Variants in KRT3 observed in about 807,000 individuals in gnomAD.
KRT3 encodes the protein keratin, type II cytoskeletal 3.
Under a neutral mutation model 45.8 loss-of-function variants are expected in KRT3, and 34 were observed. The observed-to-expected ratio is 0.74, with a 90% CI of 0.57 to 0.99. The LOEUF (loss-of-function observed/expected upper bound fraction) is 0.99. Ranked by LOEUF, KRT3 falls within the 50% of genes least tolerant of loss-of-function variation. The pLI, the probability that KRT3 is intolerant of heterozygous loss-of-function variation, is 0.00. For missense variants in KRT3, 828 were observed against 820.6 expected, an observed-to-expected ratio of 1.01 and a Z score of -0.11; for synonymous variants, 367 against 329.0, an observed-to-expected ratio of 1.12 and a Z score of -1.25.
At chr12:52,791,612 T>A in intron 6 of KRT3, 79 bp downstream of exon 6, 1 of 1,584,796 alleles carries the variant, frequency 6.3e-7, no homozygotes, top group Non-Finnish European at 8.6e-7. Flanking sequence ...CAGACGTCTA[T>A]TCCAGGGGAG....
At position 52,792,235 on chromosome 12, in the gene KRT3, C is replaced by T. The variant is rs766503381; in HGVS notation, c.1188+4G>A. 6.8e-6 allele frequency: 11 copies of T among 1,613,034 alleles called. No homozygotes were observed. The Admixed American group carries it at 1.0e-4, about 15-fold the overall frequency. Reference sequence around the variant, plus strand: ...GGATCCCGTAAGAGGTGACTAGCACCCACCTTGGTCTGGTACAGGGCCTCA... The same window carrying T: ...GGATCCCGTAAGAGGTGACTAGCACTCACCTTGGTCTGGTACAGGGCCTCA... On this transcript the variant is annotated splice_donor_region_variant and intron_variant, in intron 5 of 8. Transcript: ENST00000417996.
Position 52,795,550 on chromosome 12 carries a change from C to T in KRT3, c.493G>A (p.Gly165Ser), listed in dbSNP as rs1307699894. ...ACTTCCTGAATTCCCCCAGGAAAGC[C>T]CCCAGGGCCAAAGCCACCAGGACTG... ...LGSPGGFGPG[G>S]FPGGIQEVTI... The change falls in exon 1 of 9, where the codon GGC becomes AGC. Residue 165 changes from glycine to serine, a missense_variant. Transcript: ENST00000417996. 1 of 1,613,508 alleles carries T rather than the reference C, an allele frequency of 6.2e-7. No homozygotes were observed. The highest frequency in any genetic ancestry group is 8.5e-7 in the Non-Finnish European group (1 of 1,179,714).
intron 1 of KRT3, among the ~76,000 whole-genome samples, chr12:52,795,081 G>A (rs1416446804): frequency 6.6e-6 from 1 of 152,172 alleles, no homozygotes; most frequent in Non-Finnish European, 1.5e-5. Flanking sequence ...GATGGTGGCT[G>A]TGGCCCTTGC....
chr12:52,794,081 G>A (rs1207583490), intron 2 of KRT3, 30 bp downstream of exon 2: 6 of 1,558,610 alleles, frequency 3.8e-6, no homozygotes, highest in Middle Eastern at 3.5e-4. Flanking sequence ...GTGGGCCATG[G>A]CATCTTCCCA....
intron 3 of KRT3, 126 bp downstream of exon 3, chr12:52,793,037 T>C (rs1330970654): frequency 2.7e-6 from 2 of 744,172 alleles, no homozygotes; most frequent in East Asian, 5.3e-5. Context: ...AAGGTGCACC[T>C]GACTTCTGTT....
rs903182184 is a variant in KRT3 at position 52,794,017 on chromosome 12, GCCA to G, written c.866+91_866+93del. The G allele has an allele frequency of 1.6e-5, 15 of 915,082 alleles. No homozygotes were observed. The African/African-American group carries it at 2.1e-4, about 13-fold the overall frequency. The allele number at this position is 915,082 out of a possible 1,614,324, so 56.7% of individuals were successfully genotyped here. ...AGGAGAGGGAAATGGGCCAGGAGAC[GCCA>G]CTGCCCAGCAGTCAGGGGGCATGTA... On this transcript the variant is annotated intron_variant, in intron 2 of 8. Transcript: ENST00000417996.
rs751427560 is a variant in KRT3 at position 52,792,422 on chromosome 12, C to A, written c.1024-19G>T. ...ATAGCTCCTGTCAACACAGAGGGAG[C>A]TTGTTCACTTTTGGGGTCCCTGTAA... On this transcript the variant is annotated intron_variant, in intron 4 of 8. Coordinates refer to ENST00000417996, the MANE Select transcript of KRT3 (RefSeq NM_057088.3). The A allele has an allele frequency of 6.2e-7, 1 of 1,612,484 alleles. No individual in the cohort carries two copies. The highest frequency in any genetic ancestry group is 8.5e-7 in the Non-Finnish European group (1 of 1,179,814).
rs1443142374 is a variant in KRT3, at chr12:52,791,386, T to G, written c.1355A>C (p.His452Pro). 4 of 1,614,124 alleles carry G rather than the reference T, an allele frequency of 2.5e-6. No homozygotes were observed. Among genetic ancestry groups the G allele is most frequent in the Non-Finnish European group, 3.4e-6 (4 of 1,180,044 alleles). ...GGCATCCTTGAGGGCCATCTCTCCA[T>G]GCTGCTCGGCCTCGGCAATGGCCGT... ...LQTAIAEAEQHGEMALKDANA... is the reference protein window; with the variant it reads ...LQTAIAEAEQPGEMALKDANA... The change falls in exon 7 of 9, where the codon CAT (histidine) becomes CCT (proline). Residue 452 changes from histidine (H) to proline (P), a missense_variant. His to Pro is a moderately conservative substitution (Grantham distance 77, BLOSUM62 -2). Transcript: ENST00000417996.
rs60410063 is a variant in KRT3 at position 52,791,233 on chromosome 12, C to A, written c.1508G>T (p.Arg503Leu). 1.2e-6 allele frequency: 2 copies of A among 1,614,184 alleles called. No individual in the cohort carries two copies. The highest frequency in any genetic ancestry group is 1.7e-6 in the Non-Finnish European group (2 of 1,180,030). Reference sequence around the variant, plus strand: ...GTACTCCTCGCCCTCCAGCAGCTTGCGGTAGGTGGCGATCTCCACGTCCAG... The same window carrying A: ...GTACTCCTCGCCCTCCAGCAGCTTGAGGTAGGTGGCGATCTCCACGTCCAG... ...LALDVEIATY[R>L]KLLEGEEYRM... Residue 503 changes from arginine to leucine, a missense_variant, in exon 7 of 9, where the codon CGC (arginine) becomes CTC (leucine). Coordinates refer to ENST00000417996, the MANE Select transcript of KRT3 (RefSeq NM_057088.3).
In KRT3 at chr12:52,794,104, C is replaced by G. The variant is rs368758985; in HGVS notation, c.866+7G>C. The G allele has an allele frequency of 3.1e-5, 50 of 1,610,108 alleles. No individual in the cohort carries two copies. Among genetic ancestry groups the G allele is most frequent in the Middle Eastern group, 3.3e-4 (2 of 6,048 alleles). On this transcript the variant is annotated splice_region_variant and intron_variant, in intron 2 of 8. Transcript: ENST00000417996. ...TGGCATCTTCCCACTCCTGCCCTGT[C>G]ACTCACTTCTTCTTGAAGTCTTCCA... is the stretch of plus-strand genomic sequence containing the variant.
In KRT3 at chr12:52,790,276, T is replaced by C. The variant is rs375197284; in HGVS notation, c.1653A>G (p.Gly551=). 5.7e-4 allele frequency: 883 copies of C among 1,553,626 alleles called. 1 individual carries two copies. Among genetic ancestry groups the C allele is most frequent in the Non-Finnish European group, 6.5e-4 (748 of 1,148,514 alleles). ...GYGGGMGGGL[G]GGFSAGGGSG... is the part of the protein sequence containing the mutation. ...AGCCGCCGCCCGCACTGAAGCCACC[T>C]CCTAAACCACCGCCCATGCCTCCGC... Residue 551 remains glycine (G), a synonymous_variant, in exon 9 of 9, where the codon GGA becomes GGG. Transcript: ENST00000417996.
chr12:52,795,894 C>G lies in KRT3; in HGVS notation c.149G>C (p.Gly50Ala). The G allele has an allele frequency of 6.2e-7, 1 of 1,614,046 alleles. No individual in the cohort carries two copies. The highest frequency in any genetic ancestry group is 2.2e-5 in the East Asian group (1 of 44,884). The change falls in exon 1 of 9, where the codon GGT becomes GCT. Residue 50 changes from glycine to alanine, a missense_variant. Transcript: ENST00000417996. ...GTAGAGGCTGCGACTGCCAAAGCCA[C>G]CTGCTCCGCTCCGGAAGCCATAGGC... Reference protein sequence around the residue: ...GGAYGFRSGAGGFGSRSLYNL... With the variant: ...GGAYGFRSGAAGFGSRSLYNL...
chr12:52,792,629 C>A, intron 4 of KRT3, 82 bp downstream of exon 4: 5 of 1,080,166 alleles, frequency 4.6e-6, no homozygotes, highest in Middle Eastern at 2.0e-4. Context: ...TCTTCTGGGG[C>A]CTATATACCA....
intron 8 of KRT3, among the ~76,000 whole-genome samples, 185 bp downstream of exon 8, chr12:52,790,652 GC>G (rs1435798055): frequency 1.3e-5 from 2 of 152,110 alleles, no homozygotes; most frequent in African/African-American, 4.8e-5. Context: ...TTCCACATTG[GC>G]CGTCGAAGCC....
Position 52,791,423 on chromosome 12 carries a change from C to T in KRT3, c.1318G>A (p.Ala440Thr), listed in dbSNP as rs757493731. The T allele has an allele frequency of 1.2e-6, 2 of 1,614,028 alleles. No homozygotes were observed. The highest frequency in any genetic ancestry group is 1.7e-6 in the Non-Finnish European group (2 of 1,179,924). ...AEIEGVKKQN[A>T]NLQTAIAEAE... ...TCGGCAATGGCCGTCTGCAGGTTGG[C>T]ATTCTGGGGCAAGGGAGGTAGGAGG... The change falls in exon 7 of 9, where the codon GCC becomes ACC. Residue 440 changes from alanine to threonine, a missense_variant. By Grantham distance (58) the Ala-to-Thr change is moderately conservative. Transcript: ENST00000417996.
chr12:52,791,359 T>C lies in KRT3; in HGVS notation c.1382A>G (p.Asn461Ser), dbSNP rs1939492065. The C allele has an allele frequency of 2.5e-6, 4 of 1,614,238 alleles. No homozygotes were observed. Among genetic ancestry groups the C allele is most frequent in the Non-Finnish European group, 3.4e-6 (4 of 1,180,026 alleles). Residue 461 changes from asparagine to serine, a missense_variant, in exon 7 of 9, where the codon AAT (asparagine) becomes AGT (serine). By Grantham distance (46) the Asn-to-Ser change is conservative (BLOSUM62 1). Transcript: ENST00000417996. ...AGCCTGCAGCTCTTGGAGCTTGGCA[T>C]TGGCATCCTTGAGGGCCATCTCTCC... ...QHGEMALKDA[N>S]AKLQELQAAL...
chr12:52,794,877 G>T (rs1939602581), intron 1 of KRT3, among the ~76,000 whole-genome samples: 1 of 152,220 alleles, frequency 6.6e-6, no homozygotes, highest in Admixed American at 6.5e-5. Context: ...TGACTAGGCT[G>T]AGTAGGAGTG....
Position 52,790,331 on chromosome 12 carries a change from G to T in KRT3, c.1598C>A (p.Ala533Asp), listed in dbSNP as rs1939462940. 6.3e-7 allele frequency: 1 copy of T among 1,594,382 alleles called. No individual in the cohort carries two copies. The highest frequency in any genetic ancestry group is 1.7e-5 in the Admixed American group (1 of 58,056). ...ISVVSSSTTSASAGGYGGGYG... is the reference protein window; with the variant it reads ...ISVVSSSTTSDSAGGYGGGYG... ...ACCTCCTCCATAGCCACCTGCGGAGGCGGAAGTCGTGCTGCTGCTGACCAC... is the reference window on the plus strand; with the variant it reads ...ACCTCCTCCATAGCCACCTGCGGAGTCGGAAGTCGTGCTGCTGCTGACCAC... Residue 533 changes from alanine to aspartate, a missense_variant, in exon 9 of 9, where the codon GCC (alanine) becomes GAC (aspartate). Physicochemically the swap from Ala to Asp is moderately radical, Grantham distance 126. Transcript: ENST00000417996.
chr12:52,795,655 C>T lies in KRT3; in HGVS notation c.388G>A (p.Gly130Ser), dbSNP rs1329373186. 9 of 1,591,260 alleles carry T rather than the reference C, an allele frequency of 5.7e-6. No individual in the cohort carries two copies. The highest frequency in any genetic ancestry group is 6.0e-6 in the Non-Finnish European group (7 of 1,173,100). ...CCAAAGCCACCAGCCCCTCCAAAGC[C>T]ACCAGCCCCTCCAAAGCCACCAGCT... Reference protein sequence around the residue: ...GGAGGFGGAGGFGGAGGFGGP... With the variant: ...GGAGGFGGAGSFGGAGGFGGP... Residue 130 changes from glycine (G) to serine (S), a missense_variant, in exon 1 of 9, where the codon GGC becomes AGC. By Grantham distance (56) the Gly-to-Ser change is moderately conservative. Coordinates refer to ENST00000417996, the MANE Select transcript of KRT3 (RefSeq NM_057088.3).
Sources: gnomAD v4.1 joint callset for allele counts (sites outside exome capture counted in the v4.1 genomes callset) on GRCh38, gnomAD v4.1.1 for gene constraint, MANE v1.5 for transcripts, NCBI Gene and HGNC (gene_info 2026-07-23, HGNC 2026-07-21) for gene names.